CXCL8: variants seen among roughly 807,000 people sequenced by gnomAD.
CXCL8 encodes interleukin-8.
CXCL8 carries 12 observed loss-of-function variants against 10.9 expected under a neutral mutation model. The ratio of observed to expected loss-of-function variants is 1.10; its 90% CI spans 0.71 to 1.79. The LOEUF (loss-of-function observed/expected upper bound fraction) is 1.79. Among genes scored for constraint, CXCL8 ranks in the 40% most tolerant of loss-of-function variants. The probability of loss-of-function intolerance (pLI) is 0.00; values close to 1 mark genes in which losing one functional copy is unlikely to be tolerated. For missense variants in CXCL8, 145 were observed against 113.4 expected (o/e 1.28, Z -1.26); for synonymous variants, 41 against 39.6 (o/e 1.03, Z -0.13).
chr4:73,740,856 A>T, intron 1 of CXCL8, 134 bp downstream of exon 1: 1 of 702,048 alleles, frequency 1.4e-6, no homozygotes, highest in Non-Finnish European at 2.4e-6. Context: ...GCAGTCAATT[A>T]ATGTTAAATT....
Position 73,742,137 on chromosome 4 carries a change from T to C in CXCL8, c.284+105T>C, listed in dbSNP as rs1729191487. On this transcript the variant is annotated intron_variant, in intron 3 of 3. Coordinates refer to ENST00000307407, the MANE Select transcript of CXCL8 (RefSeq NM_000584.4). ...TGTTGCTAAAAATCGTCATTAGGTA[T>C]CTGCCTTTTTGGTTAAAAAAAAAAG... 1.2e-5 allele frequency: 7 copies of C among 577,776 alleles called. No individual in the cohort carries two copies. The Admixed American group carries it at 3.5e-4, about 29-fold the overall frequency. The allele number at this position is 577,776 out of a possible 1,614,324, so 35.8% of individuals were successfully genotyped here.
At chr4:73,741,928 A>AC in intron 2 of CXCL8, 21 bp from the exon 3 acceptor site, 3 of 1,543,726 alleles carry the variant, frequency 1.9e-6, no homozygotes, top group Non-Finnish European at 2.7e-6. Context: ...ATTAATCTGA[A>AC]CCATTTCTTT....
chr4:73,742,674 T>G lies in CXCL8; in HGVS notation c.*210T>G, dbSNP rs200332241. The G allele has an allele frequency of 1.9e-4, 74 of 383,706 alleles. No homozygotes were observed. The highest frequency in any genetic ancestry group is 3.0e-4 in the Non-Finnish European group (62 of 206,296). 23.8% of individuals were successfully genotyped at this position (383,706 alleles called of 1,614,324 possible). A position where few individuals can be genotyped will look rare whatever the true frequency, so the allele number is the denominator to read the frequency against. On this transcript the variant is annotated 3_prime_UTR_variant, in exon 4 of 4. Coordinates refer to ENST00000307407, the MANE Select transcript of CXCL8 (RefSeq NM_000584.4). ...CCAGAACATACTTATATGTAAAGTA[T>G]TATTTATTTGAATCTACAAAAAACA...
chr4:73,742,319 T>A, intron 3 of CXCL8, 130 bp from the exon 4 acceptor site: 1 of 582,976 alleles, frequency 1.7e-6, no homozygotes, highest in East Asian at 2.9e-5. Flanking sequence ...TTCTTTGATC[T>A]CCCTATTTAT....
rs1408435128 is a variant in CXCL8, at chr4:73,742,673, A to T, written c.*209A>T. On this transcript the variant is annotated 3_prime_UTR_variant, in exon 4 of 4. Coordinates refer to ENST00000307407, the MANE Select transcript of CXCL8 (RefSeq NM_000584.4). ...TCCAGAACATACTTATATGTAAAGT[A>T]TTATTTATTTGAATCTACAAAAAAC... 2 of 384,436 alleles carry T rather than the reference A, an allele frequency of 5.2e-6. No individual in the cohort carries two copies. The highest frequency in any genetic ancestry group is 9.7e-6 in the Non-Finnish European group (2 of 206,742). 23.8% of individuals were successfully genotyped at this position (384,436 alleles called of 1,614,324 possible).
rs772520102 is a variant in CXCL8, at chr4:73,741,920, T to C, written c.201-29T>C. 3.3e-6 allele frequency: 5 copies of C among 1,497,512 alleles called. No individual in the cohort carries two copies. In the African/African-American group the frequency reaches 6.9e-5, roughly 21 times the overall value. 92.8% of individuals were successfully genotyped at this position (1,497,512 alleles called of 1,614,324 possible). ...TGATTTGAATGCAAAAACTAAATAT[T>C]AATCTGAACCATTTCTTTCTTATTT... On this transcript the variant is annotated intron_variant, in intron 2 of 3. Coordinates refer to ENST00000307407, the MANE Select transcript of CXCL8 (RefSeq NM_000584.4).
chr4:73,741,930 C>A lies in CXCL8; in HGVS notation c.201-19C>A, dbSNP rs952593231. On this transcript the variant is annotated intron_variant, in intron 2 of 3. Coordinates refer to ENST00000307407, the MANE Select transcript of CXCL8 (RefSeq NM_000584.4). The stretch of plus-strand genomic sequence containing the variant: ...GCAAAAACTAAATATTAATCTGAAC[C>A]ATTTCTTTCTTATTTCAGTGTAAAG... 1.9e-6 allele frequency: 3 copies of A among 1,546,730 alleles called. No individual in the cohort carries two copies. Among genetic ancestry groups the A allele is most frequent in the African/African-American group, 1.4e-5 (1 of 73,510 alleles).
In CXCL8 at chr4:73,742,021, G is replaced by A. The variant is rs1466774825; in HGVS notation, c.273G>A (p.Lys91=). 3.1e-6 allele frequency: 5 copies of A among 1,594,448 alleles called. No individual in the cohort carries two copies. Among genetic ancestry groups the A allele is most frequent in the Non-Finnish European group, 4.3e-6 (5 of 1,165,200 alleles). ...ACTGGGTGCAGAGGGTTGTGGAGAAGTTTTTGAAGAGGTAAGTTATATATT... is the reference window on the plus strand; with the variant it reads ...ACTGGGTGCAGAGGGTTGTGGAGAAATTTTTGAAGAGGTAAGTTATATATT... The part of the protein sequence containing the change: ...KENWVQRVVE[K]FLKRAENS The change falls in exon 3 of 4, where the codon AAG becomes AAA. Residue 91 remains lysine, a synonymous_variant. Coordinates refer to ENST00000307407, the MANE Select transcript of CXCL8 (RefSeq NM_000584.4).
At position 73,742,544 on chromosome 4, in the gene CXCL8, G is replaced by T; in HGVS notation, c.*80G>T. 1.2e-6 allele frequency: 1 copy of T among 816,824 alleles called. No individual in the cohort carries two copies. Among genetic ancestry groups the T allele is most frequent in the Non-Finnish European group, 2.0e-6 (1 of 500,336 alleles). The allele number at this position is 816,824 out of a possible 1,614,324, so 50.6% of individuals were successfully genotyped here. ...AAGCAAATCTACTTCAACACTTCAT[G>T]TATTGTGTGGGTCTGTTGTAGGGTT... is the stretch of plus-strand genomic sequence containing the variant. On this transcript the variant is annotated 3_prime_UTR_variant, in exon 4 of 4. Coordinates refer to ENST00000307407, the MANE Select transcript of CXCL8 (RefSeq NM_000584.4).
In CXCL8 at chr4:73,743,317, C is replaced by T; in HGVS notation, c.*853C>T. ...ACAATTGGGTACCCAGTTAAATTTT[C>T]ATTTCAGATAAACAACAAATAATTT... is the stretch of plus-strand genomic sequence containing the variant. On this transcript the variant is annotated 3_prime_UTR_variant, in exon 4 of 4. Coordinates refer to ENST00000307407, the MANE Select transcript of CXCL8 (RefSeq NM_000584.4). 4.7e-6 allele frequency: 1 copy of T among 214,430 alleles called. No homozygotes were observed. The highest frequency in any genetic ancestry group is 9.4e-6 in the Non-Finnish European group (1 of 106,340). The allele number at this position is 214,430 out of a possible 1,614,324, so 13.3% of individuals were successfully genotyped here. A position where few individuals can be genotyped will look rare whatever the true frequency, so the allele number is the denominator to read the frequency against.
In CXCL8 at chr4:73,740,674, G is replaced by A; in HGVS notation, c.16G>A (p.Ala6Thr). The A allele has an allele frequency of 6.2e-7, 1 of 1,613,652 alleles. No homozygotes were observed. The highest frequency in any genetic ancestry group is 1.1e-5 in the South Asian group (1 of 91,056). MTSKL[A>T]VALLAAFLIS... is the part of the protein sequence containing the mutation. ...GTGTGTAAACATGACTTCCAAGCTG[G>A]CCGTGGCTCTCTTGGCAGCCTTCCT... is the stretch of plus-strand genomic sequence containing the variant. Residue 6 changes from alanine to threonine, a missense_variant, in exon 1 of 4, where the codon GCC (alanine) becomes ACC (threonine). Ala to Thr is a moderately conservative substitution (Grantham distance 58). Transcript: ENST00000307407.
chr4:73,743,010 A>G lies in CXCL8; in HGVS notation c.*546A>G. On this transcript the variant is annotated 3_prime_UTR_variant, in exon 4 of 4. Coordinates refer to ENST00000307407, the MANE Select transcript of CXCL8 (RefSeq NM_000584.4). ...TCCTTTATTTCTAAGTGGAAAAAGT[A>G]TTAGCCACCATCTTACCTCACAGTG... The G allele has an allele frequency of 4.3e-6, 1 of 230,676 alleles. No individual in the cohort carries two copies. The highest frequency in any genetic ancestry group is 8.6e-6 in the Non-Finnish European group (1 of 116,468). 14.3% of individuals were successfully genotyped at this position (230,676 alleles called of 1,614,324 possible). A position where few individuals can be genotyped will look rare whatever the true frequency, so the allele number is the denominator to read the frequency against.
rs200386331 is a variant in CXCL8, at chr4:73,743,037, T to C, written c.*573T>C. ...TAGCCACCATCTTACCTCACAGTGA[T>C]GTTGTGAGGACATGTGGAAGCACTT... On this transcript the variant is annotated 3_prime_UTR_variant, in exon 4 of 4. Transcript: ENST00000307407. 8.7e-6 allele frequency: 2 copies of C among 230,004 alleles called. No individual in the cohort carries two copies. Among genetic ancestry groups the C allele is most frequent in the Non-Finnish European group, 8.6e-6 (1 of 116,140 alleles). The allele number at this position is 230,004 out of a possible 1,614,324, so 14.2% of individuals were successfully genotyped here.
chr4:73,741,890 A>T, intron 2 of CXCL8, 59 bp from the exon 3 acceptor site: 1 of 1,297,358 alleles, frequency 7.7e-7, no homozygotes, highest in South Asian at 1.2e-5. Flanking sequence ...TGACTTAAGG[A>T]ATCATGATTT....
At position 73,742,027 on chromosome 4, in the gene CXCL8, G is replaced by C; in HGVS notation, c.279G>C (p.Leu93Phe). Residue 93 changes from leucine to phenylalanine, a missense_variant, in exon 3 of 4, where the codon TTG becomes TTC. By Grantham distance (22) the Leu-to-Phe change is conservative. Transcript: ENST00000307407. ...TGCAGAGGGTTGTGGAGAAGTTTTTGAAGAGGTAAGTTATATATTTTTTAA... is the reference window on the plus strand; with the variant it reads ...TGCAGAGGGTTGTGGAGAAGTTTTTCAAGAGGTAAGTTATATATTTTTTAA... ...NWVQRVVEKF[L>F]KRAENS 1.3e-6 allele frequency: 2 copies of C among 1,577,086 alleles called. No homozygotes were observed. The highest frequency in any genetic ancestry group is 1.7e-6 in the Non-Finnish European group (2 of 1,149,546).
Position 73,742,437 on chromosome 4 carries a change from AT to A in CXCL8, c.285-8del. ...AACATAGCTCATCTTTATATTTTTA[AT>A]TTTATTTTAGGGCTGAGAATTCATA... is the stretch of plus-strand genomic sequence containing the variant. On this transcript the variant is annotated splice_polypyrimidine_tract_variant and intron_variant, in intron 3 of 3. Coordinates refer to ENST00000307407, the MANE Select transcript of CXCL8 (RefSeq NM_000584.4). 1 of 1,328,428 alleles carries A rather than the reference AT, an allele frequency of 7.5e-7. No homozygotes were observed. Among genetic ancestry groups the A allele is most frequent in the Non-Finnish European group, 1.1e-6 (1 of 940,936 alleles). 82.3% of individuals were successfully genotyped at this position (1,328,428 alleles called of 1,614,324 possible).
chr4:73,741,775 T>C (rs1400403349), intron 2 of CXCL8, 98 bp downstream of exon 2: 3 of 1,189,778 alleles, frequency 2.5e-6, no homozygotes, highest in East Asian at 2.5e-5. Flanking sequence ...AGGATTACAG[T>C]AGTAAATGAA....
Position 73,743,187 on chromosome 4 carries a change from G to T in CXCL8, c.*723G>T, listed in dbSNP as rs1375802237. On this transcript the variant is annotated 3_prime_UTR_variant, in exon 4 of 4. Coordinates refer to ENST00000307407, the MANE Select transcript of CXCL8 (RefSeq NM_000584.4). ...TTGGAAAAATAGAAGATGAATCATT[G>T]ATTGAATAGTTATAAAGATGTTATA... The T allele has an allele frequency of 4.5e-6, 1 of 223,202 alleles. No individual in the cohort carries two copies. Among genetic ancestry groups the T allele is most frequent in the Non-Finnish European group, 8.9e-6 (1 of 112,052 alleles). 13.8% of individuals were successfully genotyped at this position (223,202 alleles called of 1,614,324 possible).
chr4:73,742,649 C>T lies in CXCL8; in HGVS notation c.*185C>T. ...AGTTTTTCATTGTACCATGAAATAT[C>T]CAGAACATACTTATATGTAAAGTAT... is the stretch of plus-strand genomic sequence containing the variant. On this transcript the variant is annotated 3_prime_UTR_variant, in exon 4 of 4. Transcript: ENST00000307407. 2.3e-6 allele frequency: 1 copy of T among 427,500 alleles called. No individual in the cohort carries two copies. 26.5% of individuals were successfully genotyped at this position (427,500 alleles called of 1,614,324 possible).
Sources: allele counts gnomAD v4.1 joint callset, GRCh38; gene constraint gnomAD v4.1.1; transcripts MANE v1.5; gene names NCBI Gene and HGNC (gene_info 2026-07-23, HGNC 2026-07-21).